Variants in POLR1B observed in about 807,000 individuals in gnomAD.
POLR1B encodes the protein RNA polymerase I subunit B.
In POLR1B, 30 loss-of-function variants were observed where a neutral mutation model predicts 105.8. That is an observed-to-expected ratio of 0.28 (90% CI 0.21 to 0.38). The LOEUF (loss-of-function observed/expected upper bound fraction) is 0.38. POLR1B is among the 10% of genes least tolerant of loss of function. POLR1B has a pLI of 1.00. For missense variants in POLR1B, 976 were observed against 1,435.8 expected (o/e 0.68, Z 5.17); for synonymous variants, 485 against 505.1 (o/e 0.96, Z 0.53).
At chr2:112,564,544 T>C in intron 10 of POLR1B, 45 bp downstream of exon 10, 1 of 1,612,488 alleles carries the variant, frequency 6.2e-7, no homozygotes, top group South Asian at 1.1e-5. Flanking sequence ...TGACCTTAGG[T>C]TTTTCAGTTC....
chr2:112,553,550 G>A (rs910393327), intron 7 of POLR1B: 2 of 152,100 alleles, frequency 1.3e-5, no homozygotes, highest in African/African-American at 4.8e-5. Context: ...CTGGGCTCAT[G>A]TGATCCTCCT....
rs548879659 is a variant in POLR1B at position 112,577,218 on chromosome 2, T to C, written c.*1489T>C. 2.0e-5 allele frequency: 3 copies of C among 152,338 alleles called. No homozygotes were observed. The highest frequency in any genetic ancestry group is 7.2e-5 in the African/African-American group (3 of 41,586). The allele number at this position is 152,338 out of a possible 1,614,324, so 9.4% of individuals were successfully genotyped here. ...GGTCTGTCACTAATTATAAGGCAGA[T>C]AGGAACAGACAGAAAAATCTATCAT... On this transcript the variant is annotated 3_prime_UTR_variant, in exon 15 of 15. Transcript: ENST00000263331.
In POLR1B at chr2:112,550,870, T is replaced by C. The variant is rs1348363053; in HGVS notation, c.630T>C (p.Val210=). 1 of 1,613,470 alleles carries C rather than the reference T, an allele frequency of 6.2e-7. No homozygotes were observed. The highest frequency in any genetic ancestry group is 8.5e-7 in the Non-Finnish European group (1 of 1,179,816). The change falls in exon 5 of 15, where the codon GTT becomes GTC. Residue 210 remains valine, a synonymous_variant. Coordinates refer to ENST00000263331, the MANE Select transcript of POLR1B (RefSeq NM_019014.6). ...TRGPGYTQYG[V]SMHCVREEHS... ...TTTTGTTGTTTGGTTCAATAGGAGT[T>C]TCAATGCACTGTGTGAGGGAAGAAC...
chr2:112,557,603 G>A (rs1683725184), intron 7 of POLR1B, among the ~76,000 whole-genome samples: 1 of 152,168 alleles, frequency 6.6e-6, no homozygotes. Context: ...TGAGAATAGG[G>A]TCTTGCCCTG....
intron 13 of POLR1B, among the ~76,000 whole-genome samples, chr2:112,573,083 CTTG>C (rs1326803738): frequency 2.6e-5 from 4 of 152,002 alleles, no homozygotes; most frequent in African/African-American, 9.6e-5. Flanking sequence ...TTTTGTTTTT[CTTG>C]TTTTTTGTTT....
rs11351307 is a variant in POLR1B, at chr2:112,552,620, CTT to C, written c.987-14_987-13del. The C allele has an allele frequency of 0.011, 13,519 of 1,218,784 alleles. No individual in the cohort carries two copies. The highest frequency in any genetic ancestry group is 0.024 in the South Asian group (1,496 of 61,706). The allele number at this position is 1,218,784 out of a possible 1,614,324, so 75.5% of individuals were successfully genotyped here. A position where few individuals can be genotyped will look rare whatever the true frequency, so the allele number is the denominator to read the frequency against. On this transcript the variant is annotated intron_variant, in intron 6 of 14. Coordinates refer to ENST00000263331, the MANE Select transcript of POLR1B (RefSeq NM_019014.6). ...GTATTACCAACTGAATTGTTTTAAG[CTT>C]TTTTTTTTTTCTGTTTTCACAGCCA...
In POLR1B at chr2:112,575,850, A is replaced by G. The variant is rs539764256; in HGVS notation, c.*121A>G. On this transcript the variant is annotated 3_prime_UTR_variant, in exon 15 of 15. Coordinates refer to ENST00000263331, the MANE Select transcript of POLR1B (RefSeq NM_019014.6). This position sits in a 1 kb window ranked among gnomAD's most constrained non-coding sequence, Gnocchi z 5.3. ...TTTTTCAACGGTGTTAGAACTCTCA[A>G]CCAAGACCTGAAAACCAAGTATGCA... The G allele has an allele frequency of 6.8e-5, 76 of 1,116,534 alleles. No individual in the cohort carries two copies. The Admixed American group carries it at 1.9e-3, about 27-fold the overall frequency. The allele number at this position is 1,116,534 out of a possible 1,614,324, so 69.2% of individuals were successfully genotyped here.
At position 112,564,389 on chromosome 2, in the gene POLR1B, C is replaced by T. The variant is rs144266676; in HGVS notation, c.1636C>T (p.Pro546Ser). 337 of 1,614,188 alleles carry T rather than the reference C, an allele frequency of 2.1e-4. No individual in the cohort carries two copies. The African/African-American group carries it at 4.3e-3, about 20-fold the overall frequency. The change falls in exon 10 of 15, where the codon CCC becomes TCC. Residue 546 changes from proline (P) to serine (S), a missense_variant. Around this residue, in one of 12 missense-constraint regions of POLR1B, gnomAD observed 184 missense variants for 197.4 expected, o/e 0.93. Transcript: ENST00000263331. ...NLGVTPIDGA[P>S]HRSYSECYPV... ...AGGGGTCACTCCCATTGATGGAGCT[C>T]CCCACCGATCATACAGTGAGTGCTA...
chr2:112,552,373 G>T (rs1464352802), intron 6 of POLR1B, among the ~76,000 whole-genome samples: 3 of 151,990 alleles, frequency 2.0e-5, no homozygotes, highest in Non-Finnish European at 4.4e-5. Context: ...TGCAGGGATT[G>T]TATCACTTTA....
intron 10 of POLR1B, among the ~76,000 whole-genome samples, chr2:112,564,977 A>C (rs1478679156): frequency 2.0e-5 from 3 of 152,200 alleles, no homozygotes; most frequent in Non-Finnish European, 4.4e-5. Flanking sequence ...GATAATGGCC[A>C]TTGAAAGAAT....
intron 1 of POLR1B, 35 bp downstream of exon 1, chr2:112,542,706 C>A (rs2241804): frequency 6.2e-7 from 1 of 1,605,758 alleles, no homozygotes; most frequent in African/African-American, 1.3e-5. Flanking sequence ...CTTGCCGCGG[C>A]GAGGCCAATC....
chr2:112,542,163 A>G, upstream of POLR1B: 1 of 1,535,750 alleles, frequency 6.5e-7, no homozygotes, highest in Non-Finnish European at 8.7e-7. Context: ...TGAGAGCCAA[A>G]GAGGTCACAT....
intron 14 of POLR1B, 34 bp from the exon 15 acceptor site, chr2:112,574,813 A>G: frequency 6.5e-7 from 1 of 1,544,410 alleles, no homozygotes; most frequent in Non-Finnish European, 8.8e-7. Flanking sequence ...GTTAAAACAA[A>G]TAGGTTGACC....
intron 7 of POLR1B, chr2:112,554,491 C>A (rs565619486): frequency 5.9e-5 from 9 of 152,214 alleles, no homozygotes; most frequent in African/African-American, 2.2e-4. Context: ...AGGTAATAAT[C>A]TTTGTTTCTG....
At chr2:112,556,498 T>C (rs1251001844) in intron 7 of POLR1B, among the ~76,000 whole-genome samples, 1 of 152,206 alleles carries the variant, frequency 6.6e-6, no homozygotes, top group Non-Finnish European at 1.5e-5. Flanking sequence ...TTAAATGCAG[T>C]GTCAGTGCCA....
chr2:112,542,233 G>T (rs975198081), upstream of POLR1B: 3 of 1,535,692 alleles, frequency 2.0e-6, no homozygotes, highest in Non-Finnish European at 2.6e-6. Flanking sequence ...GGGGAGATGA[G>T]TGGGGCGGAA....
At position 112,547,520 on chromosome 2, in the gene POLR1B, C is replaced by T. The variant is rs754005341; in HGVS notation, c.445C>T (p.Arg149Cys). The change falls in exon 3 of 15, where the codon CGT (arginine) becomes TGT (cysteine). Residue 149 changes from arginine (R) to cysteine (C), a missense_variant. Arg to Cys is a radical substitution (Grantham distance 180). Around this residue, in one of 12 missense-constraint regions of POLR1B, gnomAD observed 452 missense variants for 616.5 expected, o/e 0.73. Coordinates refer to ENST00000263331, the MANE Select transcript of POLR1B (RefSeq NM_019014.6). ...IMVKSKLCNL[R>C]NLPPQALIEH... ...GGTGAAATCCAAGCTTTGCAACTTA[C>T]GTAACCTTCCCCCACAAGCCCTCAT... The T allele has an allele frequency of 1.3e-5, 21 of 1,614,164 alleles. No individual in the cohort carries two copies. The highest frequency in any genetic ancestry group is 3.3e-4 in the Middle Eastern group (2 of 6,062).
At chr2:112,556,362 A>G (rs1445423045) in intron 7 of POLR1B, among the ~76,000 whole-genome samples, 1 of 152,218 alleles carries the variant, frequency 6.6e-6, no homozygotes, top group Non-Finnish European at 1.5e-5. Flanking sequence ...TACAAATCCT[A>G]CTAGTGTGTA....
intron 1 of POLR1B, chr2:112,545,752 A>G (rs2104504918): frequency 1.1e-5 from 3 of 284,660 alleles, no homozygotes; most frequent in East Asian, 1.6e-4. Context: ...TGATCCTCCC[A>G]CGTCAACCTC....
Sources: gnomAD v4.1 joint callset for allele counts (sites outside exome capture counted in the v4.1 genomes callset) on GRCh38, gnomAD v4.1.1 for gene constraint, gnomAD v4.1.1 regional missense constraint, Gnocchi (gnomAD v3.1) non-coding constraint, MANE v1.5 for transcripts, NCBI Gene and HGNC (gene_info 2026-07-23, HGNC 2026-07-21) for gene names.